The following PID1 variants were observed in gnomAD, a reference collection of about 807,000 sequenced individuals.
The protein encoded by PID1 is PTB-containing, cubilin and LRP1-interacting protein.
Under a neutral mutation model 19.1 loss-of-function variants are expected in PID1, and 10 were observed. That is an observed-to-expected ratio of 0.52 (90% CI 0.32 to 0.89). PID1 has a LOEUF of 0.89. PID1 is among the 40% of genes least tolerant of loss of function. The probability of loss-of-function intolerance (pLI) is 0.03; values close to 1 mark genes in which losing one functional copy is unlikely to be tolerated. For synonymous variants in PID1, 130 were observed against 116.0 expected (o/e 1.12, Z -0.78); for missense variants, 248 against 285.3 (o/e 0.87, Z 0.94).
intron 2 of PID1, among the ~76,000 whole-genome samples, chr2:229,035,485 T>C (rs577187851): frequency 1.3e-5 from 2 of 148,826 alleles, no homozygotes; most frequent in South Asian, 4.3e-4. Flanking sequence ...CACATACATA[T>C]AAATGGGGCC....
chr2:229,204,135 A>G (rs1691555899), intron 1 of PID1, among the ~76,000 whole-genome samples: 1 of 152,094 alleles, frequency 6.6e-6, no homozygotes, highest in Non-Finnish European at 1.5e-5. Context: ...AGTCCCTTCT[A>G]CAGCTAATGA....
intron 2 of PID1, among the ~76,000 whole-genome samples, chr2:229,036,900 G>A (rs1252511078): frequency 6.6e-6 from 1 of 152,208 alleles, no homozygotes; most frequent in Non-Finnish European, 1.5e-5. Flanking sequence ...TAACCTGCCT[G>A]ACCACGAAGT....
chr2:229,164,675 G>A (rs1448108523), intron 1 of PID1, among the ~76,000 whole-genome samples: 1 of 152,188 alleles, frequency 6.6e-6, no homozygotes, highest in Non-Finnish European at 1.5e-5. Flanking sequence ...GTGACCCTGG[G>A]TATGAAGCAA....
chr2:229,235,915 C>T (rs576672333), intron 1 of PID1, among the ~76,000 whole-genome samples: 9 of 152,146 alleles, frequency 5.9e-5, no homozygotes, highest in South Asian at 4.1e-4. Flanking sequence ...GCCAGCTGGA[C>T]GCAAAAAGCA....
chr2:229,256,628 A>C (rs1307609107), intron 1 of PID1, among the ~76,000 whole-genome samples: 1 of 152,114 alleles, frequency 6.6e-6, no homozygotes, highest in Admixed American at 6.5e-5. Context: ...TTCTGTGGCA[A>C]GACTTATGAG....
At chr2:229,075,755 A>T (rs1694544938) in intron 2 of PID1, among the ~76,000 whole-genome samples, 1 of 152,190 alleles carries the variant, frequency 6.6e-6, no homozygotes, top group African/African-American at 2.4e-5. Context: ...CTCACTAAAG[A>T]TTAATTTAAC....
intron 1 of PID1, among the ~76,000 whole-genome samples, chr2:229,178,465 T>C (rs988941877): frequency 1.3e-5 from 2 of 152,184 alleles, no homozygotes; most frequent in Non-Finnish European, 2.9e-5. Flanking sequence ...TAGTTTTTTT[T>C]AAGAAAAAGA....
chr2:229,112,660 A>G (rs1695321584), intron 2 of PID1, among the ~76,000 whole-genome samples: 1 of 151,756 alleles, frequency 6.6e-6, no homozygotes, highest in Admixed American at 6.6e-5. Context: ...TAATTTTTTT[A>G]TTTTAGTAGA....
chr2:229,224,832 T>TA (rs3084669), intron 1 of PID1, among the ~76,000 whole-genome samples: 2 of 148,350 alleles, frequency 1.3e-5, no homozygotes, highest in African/African-American at 2.5e-5. Flanking sequence ...GGATTCAGAA[T>TA]AAAAAAAAAA....
At chr2:229,130,398 T>C (rs749852970) in intron 2 of PID1, among the ~76,000 whole-genome samples, 9 of 152,188 alleles carry the variant, frequency 5.9e-5, no homozygotes, top group Non-Finnish European at 1.3e-4. Context: ...AACTCTGCCT[T>C]TCTGGAAAGT....
At chr2:229,116,633 A>G (rs976353623) in intron 2 of PID1, among the ~76,000 whole-genome samples, 5 of 152,146 alleles carry the variant, frequency 3.3e-5, no homozygotes, top group African/African-American at 1.2e-4. Flanking sequence ...GCTCCTGCCC[A>G]CTGCCATGTA....
chr2:229,088,359 C>T lies in PID1; in HGVS notation c.178-62251G>A, dbSNP rs187567492. Among the ~76,000 whole-genome samples the T allele has an allele frequency of 3.3e-5, 5 of 152,064 alleles. No individual in the cohort carries two copies. The East Asian group carries it at 7.8e-4, about 24-fold the overall frequency. ...AAGGCAAATGCCTTAGATAAGAAAT[C>T]CCTCCCAGTAAGATGAGGACAGCGT... is the stretch of plus-strand genomic sequence containing the variant. On this transcript the variant is annotated intron_variant, in intron 2 of 2. Coordinates refer to ENST00000392055, the MANE Select transcript of PID1 (RefSeq NM_001100818.2).
At chr2:229,169,498 T>C (rs532781410) in intron 1 of PID1, among the ~76,000 whole-genome samples, 2 of 152,312 alleles carry the variant, frequency 1.3e-5, no homozygotes, top group African/African-American at 4.8e-5. Context: ...AAACTAGTAG[T>C]AAAATTCATA....
At chr2:229,168,923 CTTGTCCT>C (rs1553571036) in intron 1 of PID1, among the ~76,000 whole-genome samples, 1 of 152,166 alleles carries the variant, frequency 6.6e-6, no homozygotes, top group Non-Finnish European at 1.5e-5. Context: ...CTAGCATTAG[CTTGTCCT>C]TAAGGTGGAG....
At chr2:229,099,541 T>C (rs1194235460) in intron 2 of PID1, among the ~76,000 whole-genome samples, 1 of 152,152 alleles carries the variant, frequency 6.6e-6, no homozygotes. Flanking sequence ...GATTAGAACT[T>C]GGGGTAAACA....
chr2:229,058,014 A>G (rs1008931402), intron 2 of PID1, among the ~76,000 whole-genome samples: 1 of 152,212 alleles, frequency 6.6e-6, no homozygotes, highest in African/African-American at 2.4e-5. Flanking sequence ...GCAGGATACA[A>G]TTCATAAGGT....
intron 2 of PID1, among the ~76,000 whole-genome samples, chr2:229,074,083 T>C (rs957172598): frequency 6.6e-6 from 1 of 152,168 alleles, no homozygotes; most frequent in Non-Finnish European, 1.5e-5. Context: ...GCTTACAAAC[T>C]GACAAACTGT....
intron 1 of PID1, among the ~76,000 whole-genome samples, chr2:229,217,705 T>A (rs1691878722): frequency 2.0e-5 from 3 of 152,214 alleles, no homozygotes; most frequent in Admixed American, 2.0e-4. Flanking sequence ...CAATCATTAT[T>A]TCCCAAGTTC....
intron 1 of PID1, among the ~76,000 whole-genome samples, chr2:229,182,116 T>C (rs765881872): frequency 3.7e-4 from 56 of 152,184 alleles, no homozygotes; most frequent in Non-Finnish European, 1.3e-4. Flanking sequence ...CTGAGTGTGA[T>C]ACAATAATGG....
Sources: allele counts gnomAD v4.1 joint callset (sites outside exome capture counted in the v4.1 genomes callset), GRCh38; gene constraint gnomAD v4.1.1; transcripts MANE v1.5; gene names NCBI Gene and HGNC (gene_info 2026-07-23, HGNC 2026-07-21).